ANKRD30A: variants seen among roughly 807,000 people sequenced by gnomAD.
The protein encoded by ANKRD30A is ankyrin repeat domain-containing protein 30A.
A neutral mutation model predicts 166.3 loss-of-function variants in ANKRD30A; 170 were observed. That is an observed-to-expected ratio of 1.02 (90% CI 0.90 to 1.16). ANKRD30A has a LOEUF of 1.16. Ranked by LOEUF, ANKRD30A falls within the 50% of genes most tolerant of loss-of-function variation. The pLI is 0.00. For synonymous variants in ANKRD30A, 564 were observed against 508.9 expected (o/e 1.11, Z -1.46); for missense variants, 1,630 against 1,518.0 (o/e 1.07, Z -1.23).
At chr10:37,156,862 A>C (rs1411090300) in intron 13 of ANKRD30A, among the ~76,000 whole-genome samples, 1 of 152,188 alleles carries the variant, frequency 6.6e-6, no homozygotes, top group Non-Finnish European at 1.5e-5. Context: ...TTGAATACAA[A>C]TTTAAGCACT....
At chr10:37,231,989 C>T (rs1317683526) in intron 35 of ANKRD30A, among the ~76,000 whole-genome samples, 1 of 151,884 alleles carries the variant, frequency 6.6e-6, no homozygotes, top group Non-Finnish European at 1.5e-5. Context: ...TAAATATATA[C>T]TTTGAGATGT....
Position 37,218,393 on chromosome 10 carries a change from A to G in ANKRD30A, c.3267+515A>G, listed in dbSNP as rs116341205. Among the ~76,000 whole-genome samples the G allele has an allele frequency of 3.8e-3, 575 of 151,096 alleles. 3 individuals are homozygous for G. Among genetic ancestry groups the G allele is most frequent in the African/African-American group, 0.013 (549 of 41,442 alleles). On this transcript the variant is annotated intron_variant, in intron 33 of 35. Transcript: ENST00000361713. ...ACTCAGAAGACTGGGAGAAAATCCT[A>G]CAACTTGTTTATATTTTTAATCTTT...
At chr10:37,213,408 A>G (rs908576735) in intron 31 of ANKRD30A, among the ~76,000 whole-genome samples, 2 of 151,798 alleles carry the variant, frequency 1.3e-5, no homozygotes, top group African/African-American at 2.4e-5. Flanking sequence ...ACCTAATTAC[A>G]TCCCAAAACT....
At chr10:37,232,654 TTATATATATATATATATATATATA>T (rs10559316), downstream of ANKRD30A, 8 of 54,214 alleles carry the variant, frequency 1.5e-4, no homozygotes, top group South Asian at 1.7e-3. Flanking sequence ...AGCATTGGTT[TTATATATATATATATATATATATA>T]TATATATATA....
chr10:37,254,499 G>A, the ANKRD30A span, among the ~76,000 whole-genome samples: 2 of 151,768 alleles, frequency 1.3e-5, no homozygotes, highest in East Asian at 1.9e-4. Flanking sequence ...GCACTTATTC[G>A]ACACTTATAT....
At chr10:37,262,656 A>G in the ANKRD30A span, 4 of 153,590 alleles carry the variant, frequency 2.6e-5, no homozygotes, top group Admixed American at 6.5e-5. Context: ...CAAATTTGTT[A>G]TGTAAAAATT....
At chr10:37,151,804 A>C (rs17590065) in intron 11 of ANKRD30A, among the ~76,000 whole-genome samples, 1 of 152,146 alleles carries the variant, frequency 6.6e-6, no homozygotes, top group African/African-American at 2.4e-5. Flanking sequence ...TGACTGCTTT[A>C]TGAAGAAATA....
At chr10:37,223,599 T>C (rs1325947647) in intron 34 of ANKRD30A, among the ~76,000 whole-genome samples, 2 of 151,416 alleles carry the variant, frequency 1.3e-5, no homozygotes, top group African/African-American at 4.8e-5. Flanking sequence ...CAAATAAATT[T>C]TGGAAGTTTA....
intron 11 of ANKRD30A, among the ~76,000 whole-genome samples, chr10:37,151,783 A>G (rs1837955894): frequency 1.3e-5 from 2 of 152,128 alleles, no homozygotes; most frequent in Admixed American, 6.5e-5. Context: ...GTTTCAGAGG[A>G]GAAGAGGATA....
chr10:37,193,228 G>C lies in ANKRD30A; in HGVS notation c.2584G>C (p.Glu862Gln), dbSNP rs1246453844. ...MKVSIPTKAL[E>Q]LMDMQTFKAE... ...AGTTTCTATTCCAACTAAAGCCTTA[G>C]AATTGATGGACATGCAAACTTTCAA... is the stretch of plus-strand genomic sequence containing the variant. The change falls in exon 27 of 36, where the codon GAA (glutamate) becomes CAA (glutamine). Residue 862 changes from glutamate (E) to glutamine (Q), a missense_variant. Glu to Gln is a conservative substitution (Grantham distance 29). Coordinates refer to ENST00000361713, the MANE Select transcript of ANKRD30A (RefSeq NM_052997.3). 1.2e-6 allele frequency: 2 copies of C among 1,611,544 alleles called. No homozygotes were observed. Among genetic ancestry groups the C allele is most frequent in the Admixed American group, 1.7e-5 (1 of 59,898 alleles).
chr10:37,260,670 C>T, the ANKRD30A span, among the ~76,000 whole-genome samples: 1 of 152,090 alleles, frequency 6.6e-6, no homozygotes, highest in Non-Finnish European at 1.5e-5. Context: ...GTCGATTCTT[C>T]AACAAGCAAA....
intron 15 of ANKRD30A, among the ~76,000 whole-genome samples, chr10:37,159,013 T>C (rs1221571945): frequency 6.6e-6 from 1 of 152,194 alleles, no homozygotes; most frequent in Admixed American, 6.5e-5. Context: ...TCAGCTTTTT[T>C]TTTGATTAGC....
chr10:37,196,405 C>CA (rs1841113349), intron 27 of ANKRD30A, among the ~76,000 whole-genome samples: 1 of 151,978 alleles, frequency 6.6e-6, no homozygotes, highest in African/African-American at 2.4e-5. Context: ...AAACTAAGAA[C>CA]ATTGGGTTTA....
In ANKRD30A at chr10:37,151,973, C is replaced by T. The variant is rs921962572; in HGVS notation, c.1646-87C>T. ...GGCCACAGAGGAAAAACCACAGATT[C>T]GTGAATGAAAGTAGATTTGTATATG... On this transcript the variant is annotated intron_variant, in intron 11 of 35. Coordinates refer to ENST00000361713, the MANE Select transcript of ANKRD30A (RefSeq NM_052997.3). 24 of 1,207,278 alleles carry T rather than the reference C, an allele frequency of 2.0e-5. No individual in the cohort carries two copies. In the East Asian group the frequency reaches 3.0e-4, roughly 15 times the overall value. The allele number at this position is 1,207,278 out of a possible 1,614,324, so 74.8% of individuals were successfully genotyped here. A position where few individuals can be genotyped will look rare whatever the true frequency, so the allele number is the denominator to read the frequency against.
intron 3 of ANKRD30A, among the ~76,000 whole-genome samples, chr10:37,131,759 C>G (rs376457524): frequency 7.2e-5 from 11 of 152,146 alleles, no homozygotes; most frequent in African/African-American, 2.4e-4. Flanking sequence ...TTATTGAATA[C>G]TGGACATTTA....
At chr10:37,152,320 G>A (rs1006223799) in intron 12 of ANKRD30A, among the ~76,000 whole-genome samples, 199 bp downstream of exon 12, 2 of 152,010 alleles carry the variant, frequency 1.3e-5, no homozygotes, top group African/African-American at 4.8e-5. Flanking sequence ...GAATTTGTAC[G>A]ATTAATTTAA....
chr10:37,125,924 C>T lies in ANKRD30A; in HGVS notation c.137C>T (p.Ala46Val). ...SGDLRKIHKAASRGQVRKLEK... is the reference protein window; with the variant it reads ...SGDLRKIHKAVSRGQVRKLEK... ...GATCTTAGAAAGATCCATAAAGCTG[C>T]CTCCCGGGGACAAGTCCGGAAGCTG... Residue 46 changes from alanine to valine, a missense_variant, in exon 1 of 36, where the codon GCC becomes GTC. Ala to Val is a moderately conservative substitution (Grantham distance 64). This residue lies in a region of ANKRD30A where 904 missense variants were observed against 818.5 expected (regional missense o/e 1.10). Coordinates refer to ENST00000361713, the MANE Select transcript of ANKRD30A (RefSeq NM_052997.3). 6.2e-7 allele frequency: 1 copy of T among 1,610,610 alleles called. No homozygotes were observed. Among genetic ancestry groups the T allele is most frequent in the Non-Finnish European group, 8.5e-7 (1 of 1,178,660 alleles).
chr10:37,166,431 A>C (rs1316639847), intron 18 of ANKRD30A, among the ~76,000 whole-genome samples, 174 bp from the exon 19 acceptor site: 1 of 151,978 alleles, frequency 6.6e-6, no homozygotes, highest in Non-Finnish European at 1.5e-5. Context: ...AGAGAGGGTT[A>C]TGTGAGGTTT....
At chr10:37,133,512 G>A (rs1427168587) in intron 4 of ANKRD30A, among the ~76,000 whole-genome samples, 1 of 152,174 alleles carries the variant, frequency 6.6e-6, no homozygotes, top group Non-Finnish European at 1.5e-5. Context: ...AACTTAGCAT[G>A]ACTACTACTA....
Sources: gnomAD v4.1 joint callset for allele counts (sites outside exome capture counted in the v4.1 genomes callset) on GRCh38, gnomAD v4.1.1 for gene constraint, gnomAD v4.1.1 regional missense constraint, MANE v1.5 for transcripts, NCBI Gene and HGNC (gene_info 2026-07-23, HGNC 2026-07-21) for gene names.